RORA: variants seen among roughly 807,000 people sequenced by gnomAD.
RORA encodes RAR related orphan receptor A, also known as nuclear receptor ROR-alpha.
In RORA, 7 loss-of-function variants were observed where a neutral mutation model predicts 69.5. That is an observed-to-expected ratio of 0.10 (90% CI 0.06 to 0.19). The LOEUF is 0.19. RORA is among the 10% of genes least tolerant of loss of function. The pLI, the probability that RORA is intolerant of heterozygous loss-of-function variation, is 1.00. For missense variants in RORA, 457 were observed against 663.0 expected, an observed-to-expected ratio of 0.69 and a Z score of 3.41; for synonymous variants, 261 against 240.8, an observed-to-expected ratio of 1.08 and a Z score of -0.78.
chr15:60,525,333 A>G (rs895711452), intron 3 of RORA, among the ~76,000 whole-genome samples: 2 of 152,160 alleles, frequency 1.3e-5, no homozygotes, highest in Admixed American at 6.5e-5. Context: ...GTGGCTGGGA[A>G]GGTGAACGGG....
chr15:61,134,336 C>A (rs2079217574), intron 1 of RORA, among the ~76,000 whole-genome samples: 1 of 152,168 alleles, frequency 6.6e-6, no homozygotes, highest in Admixed American at 6.5e-5. Flanking sequence ...AGTCCAGTAA[C>A]AACAAAGAGC....
chr15:60,543,613 G>T (rs1183425778), intron 2 of RORA, among the ~76,000 whole-genome samples: 1 of 151,862 alleles, frequency 6.6e-6, no homozygotes, highest in Non-Finnish European at 1.5e-5. Context: ...TGAGTAGCTG[G>T]GACTACAGGC....
At chr15:60,797,630 G>A (rs1182891512) in intron 1 of RORA, among the ~76,000 whole-genome samples, 4 of 152,052 alleles carry the variant, frequency 2.6e-5, no homozygotes, top group African/African-American at 7.2e-5. Flanking sequence ...AAGACTTCTC[G>A]CACTCTGCTT....
chr15:60,934,412 C>G (rs934879675), intron 1 of RORA, among the ~76,000 whole-genome samples: 2 of 152,200 alleles, frequency 1.3e-5, no homozygotes, highest in African/African-American at 4.8e-5. Context: ...ACACAGATTG[C>G]TGGGCCATAA....
chr15:60,789,306 A>T (rs981876336), intron 1 of RORA, among the ~76,000 whole-genome samples: 1 of 152,222 alleles, frequency 6.6e-6, no homozygotes, highest in African/African-American at 2.4e-5. Flanking sequence ...TCCCAGCCCG[A>T]AGGAAAATGC....
intron 1 of RORA, among the ~76,000 whole-genome samples, chr15:60,935,954 C>A (rs1416553420): frequency 6.6e-6 from 1 of 152,212 alleles, no homozygotes; most frequent in African/African-American, 2.4e-5. Context: ...GAGCCCAAAT[C>A]TCTTTGAGTT....
chr15:61,160,404 T>A (rs1471501596), intron 1 of RORA, among the ~76,000 whole-genome samples: 1 of 152,238 alleles, frequency 6.6e-6, no homozygotes, highest in Non-Finnish European at 1.5e-5. Flanking sequence ...ACAGCATTGC[T>A]GTTTTAATGT....
At chr15:61,138,337 G>A (rs190563833) in intron 1 of RORA, among the ~76,000 whole-genome samples, 2 of 152,218 alleles carry the variant, frequency 1.3e-5, no homozygotes, top group East Asian at 3.9e-4. Context: ...TCACATAGAC[G>A]TGGGATGGAG....
chr15:60,916,159 G>A lies in RORA; in HGVS notation c.167-237473C>T, dbSNP rs866727108. Among the ~76,000 whole-genome samples the A allele has an allele frequency of 1.3e-4, 20 of 152,260 alleles. 1 individual carries two copies. The South Asian group carries it at 3.5e-3, about 27-fold the overall frequency. On this transcript the variant is annotated intron_variant, in intron 1 of 10. Transcript: ENST00000335670. ...TCTGCCGACTTTACACTTTTCCCAGGGCTGTTCCTGTATGTGTCGTTTGAC... is the reference window on the plus strand; with the variant it reads ...TCTGCCGACTTTACACTTTTCCCAGAGCTGTTCCTGTATGTGTCGTTTGAC...
At chr15:60,934,905 T>C (rs1251107157) in intron 1 of RORA, among the ~76,000 whole-genome samples, 1 of 152,220 alleles carries the variant, frequency 6.6e-6, no homozygotes, top group Non-Finnish European at 1.5e-5. Context: ...GCCTGTTCCT[T>C]GCCTATAAAA....
At chr15:60,590,379 A>G (rs1279314735) in intron 2 of RORA, among the ~76,000 whole-genome samples, 1 of 152,250 alleles carries the variant, frequency 6.6e-6, no homozygotes, top group Non-Finnish European at 1.5e-5. Flanking sequence ...TTCACTTTGT[A>G]GAATTACAAA....
chr15:61,123,861 T>A (rs1199782465), intron 1 of RORA, among the ~76,000 whole-genome samples: 1 of 152,194 alleles, frequency 6.6e-6, no homozygotes, highest in Admixed American at 6.5e-5. Context: ...TCTGTCTACT[T>A]CCTACATGCT....
At chr15:60,867,199 TA>T (rs1288910784) in intron 1 of RORA, among the ~76,000 whole-genome samples, 6 of 152,158 alleles carry the variant, frequency 3.9e-5, no homozygotes, top group African/African-American at 1.4e-4. Flanking sequence ...AGTAATTTAG[TA>T]AGAAAACTGT....
intron 1 of RORA, among the ~76,000 whole-genome samples, chr15:61,149,202 C>G (rs990160118): frequency 2.7e-4 from 41 of 152,154 alleles, no homozygotes; most frequent in Admixed American, 1.3e-4. Context: ...TCCAACAATC[C>G]CAGACCTATT....
At chr15:60,655,397 G>A (rs977906697) in intron 2 of RORA, among the ~76,000 whole-genome samples, 1 of 152,138 alleles carries the variant, frequency 6.6e-6, no homozygotes, top group Non-Finnish European at 1.5e-5. Context: ...AAGTAAAGGA[G>A]ACATAGGCCA....
chr15:60,583,930 C>G (rs1381087723), intron 2 of RORA, among the ~76,000 whole-genome samples: 1 of 152,178 alleles, frequency 6.6e-6, no homozygotes, highest in Non-Finnish European at 1.5e-5. Flanking sequence ...GGATCTTTTA[C>G]AAAAGAAGAT....
At chr15:61,087,709 T>C (rs946088548) in intron 1 of RORA, among the ~76,000 whole-genome samples, 1 of 152,226 alleles carries the variant, frequency 6.6e-6, no homozygotes, top group Non-Finnish European at 1.5e-5. Context: ...TTAATATATG[T>C]TGCTAACAGT....
At position 60,511,740 on chromosome 15, in the gene RORA, A is replaced by G. The variant is rs1175200010; in HGVS notation, c.425-119T>C. ...AATCTCAATCCAAAACTGCATGACC[A>G]CAAAATAAGGACATATTCAGAGGTG... On this transcript the variant is annotated intron_variant, in intron 4 of 10. Transcript: ENST00000335670. This position sits in a 1 kb window ranked among gnomAD's most constrained non-coding sequence, Gnocchi z 6.4. The G allele has an allele frequency of 4.7e-6, 5 of 1,069,756 alleles. No homozygotes were observed. In the African/African-American group the frequency reaches 8.0e-5, roughly 17 times the overall value. The allele number at this position is 1,069,756 out of a possible 1,614,324, so 66.3% of individuals were successfully genotyped here.
At chr15:60,754,245 T>C (rs1004666904) in intron 1 of RORA, among the ~76,000 whole-genome samples, 2 of 152,206 alleles carry the variant, frequency 1.3e-5, no homozygotes, top group African/African-American at 4.8e-5. Context: ...ACGTGTCACA[T>C]TTTCCCATCA....
Sources: allele counts gnomAD v4.1 joint callset (sites outside exome capture counted in the v4.1 genomes callset), GRCh38; gene constraint gnomAD v4.1.1; non-coding constraint Gnocchi (gnomAD v3.1); transcripts MANE v1.5; gene names NCBI Gene and HGNC (gene_info 2026-07-23, HGNC 2026-07-21).